SEMA5A: variants seen among roughly 807,000 people sequenced by gnomAD.
SEMA5A encodes the protein semaphorin 5A, also known as semaphorin-5A.
A neutral mutation model predicts 135.5 loss-of-function variants in SEMA5A; 55 were observed. That is an observed-to-expected ratio of 0.41 (90% CI 0.33 to 0.51). The LOEUF (loss-of-function observed/expected upper bound fraction) is 0.51, where lower values mean the gene tolerates loss of function less well. SEMA5A is among the 20% of genes least tolerant of loss of function. The probability of loss-of-function intolerance (pLI) is 0.37; values close to 1 mark genes in which losing one functional copy is unlikely to be tolerated. For synonymous variants in SEMA5A, 580 were observed against 546.5 expected, an observed-to-expected ratio of 1.06 and a Z score of -0.85; for missense variants, 1,290 against 1,419.9, an observed-to-expected ratio of 0.91 and a Z score of 1.47.
intron 3 of SEMA5A, among the ~76,000 whole-genome samples, chr5:9,354,667 T>C (rs1361867088): frequency 6.6e-6 from 1 of 152,172 alleles, no homozygotes; most frequent in Non-Finnish European, 1.5e-5. Flanking sequence ...GTTCCTCTCA[T>C]TGAATGCTTA....
chr5:9,377,142 C>A (rs1755397254), intron 3 of SEMA5A, among the ~76,000 whole-genome samples: 1 of 150,436 alleles, frequency 6.6e-6, no homozygotes, highest in African/African-American at 2.4e-5. Flanking sequence ...TCAATCTCTA[C>A]ACTCTTCTAG....
At chr5:9,050,667 A>G (rs1182431068) in intron 20 of SEMA5A, among the ~76,000 whole-genome samples, 3 of 152,178 alleles carry the variant, frequency 2.0e-5, no homozygotes, top group Non-Finnish European at 4.4e-5. Flanking sequence ...GACTGGGGAG[A>G]GATAAGATTC....
chr5:9,119,611 C>G (rs780499771), intron 14 of SEMA5A, among the ~76,000 whole-genome samples: 37 of 152,170 alleles, frequency 2.4e-4, no homozygotes, highest in Non-Finnish European at 4.6e-4. Flanking sequence ...CTTTTAAAAT[C>G]TATTAATATC....
intron 1 of SEMA5A, among the ~76,000 whole-genome samples, chr5:9,485,907 A>G (rs1410211618): frequency 6.6e-6 from 1 of 152,240 alleles, no homozygotes; most frequent in Non-Finnish European, 1.5e-5. Context: ...AATATTTAAG[A>G]TATCATCTAA....
intron 3 of SEMA5A, among the ~76,000 whole-genome samples, chr5:9,341,951 T>A (rs1010174279): frequency 3.3e-5 from 5 of 151,900 alleles, no homozygotes; most frequent in Admixed American, 6.6e-5. Flanking sequence ...CCATTTTTTT[T>A]AATAATCCAG....
intron 1 of SEMA5A, among the ~76,000 whole-genome samples, chr5:9,510,379 T>C (rs1736140231): frequency 6.6e-6 from 1 of 152,234 alleles, no homozygotes; most frequent in Non-Finnish European, 1.5e-5. Context: ...GATTTTGACA[T>C]ACAAATGGCA....
intron 1 of SEMA5A, among the ~76,000 whole-genome samples, chr5:9,528,831 T>C (rs1456427239): frequency 6.6e-6 from 1 of 152,220 alleles, no homozygotes; most frequent in African/African-American, 2.4e-5. Context: ...TAATGCATTT[T>C]ATTTTGGGAA....
At chr5:9,446,554 C>A (rs1758441528) in intron 1 of SEMA5A, among the ~76,000 whole-genome samples, 1 of 152,104 alleles carries the variant, frequency 6.6e-6, no homozygotes, top group African/African-American at 2.4e-5. Flanking sequence ...GCAAGGACAG[C>A]CGGCCTCTGG....
intron 15 of SEMA5A, among the ~76,000 whole-genome samples, chr5:9,115,639 G>C (rs924058556): frequency 6.6e-6 from 1 of 152,146 alleles, no homozygotes; most frequent in African/African-American, 2.4e-5. Flanking sequence ...CTGGACTTTG[G>C]GGAGATGGCT....
chr5:9,114,098 C>T (rs1021214198), intron 15 of SEMA5A, among the ~76,000 whole-genome samples: 25 of 152,196 alleles, frequency 1.6e-4, no homozygotes, highest in Non-Finnish European at 2.9e-4. Context: ...TATAGCCATA[C>T]AACTGAATCT....
intron 3 of SEMA5A, among the ~76,000 whole-genome samples, chr5:9,339,746 G>A (rs1753560986): frequency 6.6e-6 from 1 of 152,160 alleles, no homozygotes; most frequent in Middle Eastern, 3.2e-3. Context: ...GATTTCATAT[G>A]TGACAGCAAA....
intron 1 of SEMA5A, among the ~76,000 whole-genome samples, chr5:9,473,454 G>A (rs1759555120): frequency 6.7e-6 from 1 of 149,412 alleles, no homozygotes; most frequent in South Asian, 2.1e-4. Flanking sequence ...CTGTGACCCT[G>A]GTTCTGACTC....
chr5:9,090,619 C>T (rs750657588), intron 16 of SEMA5A, among the ~76,000 whole-genome samples: 1 of 152,202 alleles, frequency 6.6e-6, no homozygotes, highest in Non-Finnish European at 1.5e-5. Flanking sequence ...TGAATGCTGC[C>T]AATGTGTTTC....
chr5:9,097,780 A>G (rs908244463), intron 16 of SEMA5A, among the ~76,000 whole-genome samples: 3 of 152,182 alleles, frequency 2.0e-5, no homozygotes, highest in Non-Finnish European at 4.4e-5. Context: ...AAGGTGATGG[A>G]CTGAAATAGG....
intron 5 of SEMA5A, among the ~76,000 whole-genome samples, chr5:9,273,478 A>G (rs1255868097): frequency 1.3e-5 from 2 of 152,188 alleles, no homozygotes; most frequent in African/African-American, 4.8e-5. Context: ...AAATTCAGGA[A>G]ATACAGAGAA....
At chr5:9,544,946 G>T (rs953052761) in intron 1 of SEMA5A, among the ~76,000 whole-genome samples, 3 of 152,206 alleles carry the variant, frequency 2.0e-5, no homozygotes, top group African/African-American at 7.2e-5. Context: ...TGCAAAATCC[G>T]TGGAGCAGCG....
At chr5:9,082,711 C>G (rs1486967544) in intron 16 of SEMA5A, among the ~76,000 whole-genome samples, 1 of 152,166 alleles carries the variant, frequency 6.6e-6, no homozygotes, top group Non-Finnish European at 1.5e-5. Context: ...TATATGGCAT[C>G]TTTACACGGA....
rs115676230 is a variant in SEMA5A, at chr5:9,354,680, C to T, written c.125-16868G>A. On this transcript the variant is annotated intron_variant, in intron 3 of 22. Coordinates refer to ENST00000382496, the MANE Select transcript of SEMA5A (RefSeq NM_003966.3). ...CTGTTCCTCTCATTGAATGCTTATC[C>T]GAATGAGGGAGGCAGAATCAATGAA... 4.9e-3 allele frequency among the ~76,000 whole-genome samples: 746 copies of T among 152,156 alleles called. 6 individuals carry two copies. The highest frequency in any genetic ancestry group is 0.017 in the African/African-American group (712 of 41,480).
intron 8 of SEMA5A, among the ~76,000 whole-genome samples, chr5:9,202,727 T>C (rs372756793): frequency 1.3e-5 from 2 of 152,336 alleles, no homozygotes; most frequent in South Asian, 2.1e-4. Flanking sequence ...ACATAATGTA[T>C]GTGCTTTTAC....
Sources: gnomAD v4.1 joint callset for allele counts (sites outside exome capture counted in the v4.1 genomes callset) on GRCh38, gnomAD v4.1.1 for gene constraint, MANE v1.5 for transcripts, NCBI Gene and HGNC (gene_info 2026-07-23, HGNC 2026-07-21) for gene names.